CCDC91: variants seen among roughly 807,000 people sequenced by gnomAD.
CCDC91 encodes the protein coiled-coil domain-containing protein 91.
In CCDC91, 48 loss-of-function variants were observed where a neutral mutation model predicts 63.2. The observed-to-expected ratio is 0.76, with a 90% confidence interval of 0.60 to 0.97. CCDC91 has a LOEUF of 0.97. Among genes scored for constraint, CCDC91 ranks in the 50% least tolerant of loss-of-function variants. The probability of loss-of-function intolerance (pLI) is 0.00; values close to 1 mark genes in which losing one functional copy is unlikely to be tolerated. For missense variants in CCDC91, 500 were observed against 494.6 expected (o/e 1.01, Z -0.10); for synonymous variants, 167 against 165.8 (o/e 1.01, Z -0.06).
At chr12:28,238,185 A>G (rs1419812935) in intron 1 of CCDC91, among the ~76,000 whole-genome samples, 1 of 152,220 alleles carries the variant, frequency 6.6e-6, no homozygotes, top group Non-Finnish European at 1.5e-5. Flanking sequence ...GAAAGGACAG[A>G]GTTGATATCT....
chr12:28,414,432 T>A (rs534244048), intron 8 of CCDC91, among the ~76,000 whole-genome samples: 26 of 152,260 alleles, frequency 1.7e-4, no homozygotes, highest in South Asian at 1.7e-3. Context: ...TATTAATATA[T>A]GAGAATATTC....
chr12:28,269,256 C>T (rs1947576357), intron 3 of CCDC91, among the ~76,000 whole-genome samples: 1 of 152,040 alleles, frequency 6.6e-6, no homozygotes. Context: ...GTATTCTCCT[C>T]TGTATTTGTG....
chr12:28,209,952 T>G (rs1943117076), intron 1 of CCDC91, among the ~76,000 whole-genome samples: 1 of 152,204 alleles, frequency 6.6e-6, no homozygotes, highest in South Asian at 2.1e-4. Context: ...AACTTTCACT[T>G]TTGGTGCATA....
chr12:28,291,528 GC>G (rs1949248347), intron 3 of CCDC91, among the ~76,000 whole-genome samples: 1 of 152,150 alleles, frequency 6.6e-6, no homozygotes, highest in Non-Finnish European at 1.5e-5. Flanking sequence ...GATCATACCA[GC>G]ATCAGACCAC....
intron 8 of CCDC91, among the ~76,000 whole-genome samples, chr12:28,438,735 T>C: frequency 6.6e-6 from 1 of 152,018 alleles, no homozygotes. Context: ...CTGTCATGAG[T>C]TGAGAGACTT....
chr12:28,334,056 G>GTGTGTATGTGTATGTGTATGTGTA (rs143724750), intron 6 of CCDC91, among the ~76,000 whole-genome samples: 1 of 151,960 alleles, frequency 6.6e-6, no homozygotes, highest in South Asian at 2.1e-4. Flanking sequence ...GTGTGTGTGT[G>GTGTGTATGTGTATGTGTATGTGTA]TGTGTATGTG....
chr12:28,508,247 A>G (rs967604868), intron 12 of CCDC91, among the ~76,000 whole-genome samples: 1 of 151,836 alleles, frequency 6.6e-6, no homozygotes, highest in Admixed American at 6.6e-5. Flanking sequence ...GGGAGACTTA[A>G]AAGAGAAAAG....
At chr12:28,191,017 T>A (rs1360482354) in intron 1 of CCDC91, among the ~76,000 whole-genome samples, 2 of 152,260 alleles carry the variant, frequency 1.3e-5, no homozygotes, top group Non-Finnish European at 2.9e-5. Context: ...CGCGCCTGGT[T>A]TATGTATCCC....
At chr12:28,371,840 C>T (rs1008109891) in intron 7 of CCDC91, among the ~76,000 whole-genome samples, 2 of 152,196 alleles carry the variant, frequency 1.3e-5, no homozygotes, top group Non-Finnish European at 1.5e-5. Context: ...CTTTGGATAT[C>T]AAGTGGCATC....
In CCDC91 at chr12:28,219,531, G is replaced by T. The variant is rs572315868; in HGVS notation, c.-15+28890G>T. The stretch of plus-strand genomic sequence containing the variant: ...CTTTCACCCAGGCTGGAGTGCAGTG[G>T]CATGATCTGGGCTCACTGCAAGCTC... On this transcript the variant is annotated intron_variant, in intron 1 of 12. Transcript: ENST00000536442. Among the ~76,000 whole-genome samples the T allele has an allele frequency of 1.3e-5, 2 of 149,022 alleles. 1 individual carries two copies. The highest frequency in any genetic ancestry group is 5.0e-5 in the African/African-American group (2 of 40,110).
intron 6 of CCDC91, among the ~76,000 whole-genome samples, chr12:28,361,183 A>T (rs1943853984): frequency 6.6e-6 from 1 of 150,790 alleles, no homozygotes; most frequent in Non-Finnish European, 1.5e-5. Context: ...AATTTTTATT[A>T]TTTTATTATT....
chr12:28,434,861 G>T (rs1447632545), intron 8 of CCDC91, among the ~76,000 whole-genome samples: 1 of 151,428 alleles, frequency 6.6e-6, no homozygotes, highest in East Asian at 1.9e-4. Flanking sequence ...AATTTTGGCA[G>T]ATTTGTGCAT....
At chr12:28,349,779 C>G (rs1002823667) in intron 6 of CCDC91, among the ~76,000 whole-genome samples, 1 of 152,122 alleles carries the variant, frequency 6.6e-6, no homozygotes, top group Admixed American at 6.5e-5. Context: ...CTGTGCCTAA[C>G]GTTCCCAGTT....
chr12:28,438,237 A>AG (rs1949010289), intron 8 of CCDC91, among the ~76,000 whole-genome samples: 1 of 152,112 alleles, frequency 6.6e-6, no homozygotes, highest in Admixed American at 6.6e-5. Flanking sequence ...CGGTAGTAAG[A>AG]GGTGGGCCCT....
chr12:28,239,121 G>GA lies in CCDC91; in HGVS notation c.-14-18067dup, dbSNP rs778967435. 7.5e-3 allele frequency among the ~76,000 whole-genome samples: 945 copies of GA among 126,010 alleles called. 6 individuals carry two copies. Among genetic ancestry groups the GA allele is most frequent in the African/African-American group, 0.019 (664 of 34,570 alleles). 82.7% of individuals were successfully genotyped at this position (126,010 alleles called of 152,430 possible). A position where few individuals can be genotyped will look rare whatever the true frequency, so the allele number is the denominator to read the frequency against. Reference sequence around the variant, plus strand: ...GGTGACAGAGCGAGACTCTGTCTCGGAAAAAAAAAAAAAATATATGTGGCA... The same window carrying GA: ...GGTGACAGAGCGAGACTCTGTCTCGGAAAAAAAAAAAAAAATATATGTGGCA... On this transcript the variant is annotated intron_variant, in intron 1 of 12. Coordinates refer to ENST00000536442, the MANE Select transcript of CCDC91 (RefSeq NM_018318.5).
At chr12:28,340,664 T>C (rs568282795) in intron 6 of CCDC91, among the ~76,000 whole-genome samples, 2 of 152,308 alleles carry the variant, frequency 1.3e-5, no homozygotes, top group East Asian at 1.9e-4. Context: ...CCGCTACTTA[T>C]ACCTGTAAGG....
At chr12:28,236,913 T>C (rs1264286915) in intron 1 of CCDC91, 1 of 152,110 alleles carries the variant, frequency 6.6e-6, no homozygotes, top group Non-Finnish European at 1.5e-5. Flanking sequence ...GTAAAGAATT[T>C]GTTCAAATCT....
At chr12:28,533,054 T>C (rs963697616) in intron 12 of CCDC91, among the ~76,000 whole-genome samples, 17 of 152,116 alleles carry the variant, frequency 1.1e-4, no homozygotes, top group African/African-American at 4.1e-4. Flanking sequence ...ATACAACTAT[T>C]ATTTCCTCAT....
intron 8 of CCDC91, among the ~76,000 whole-genome samples, chr12:28,412,420 A>G (rs1438646863): frequency 1.3e-5 from 2 of 152,184 alleles, no homozygotes; most frequent in Non-Finnish European, 1.5e-5. Flanking sequence ...TCTCTGCCTA[A>G]AAGTAGGACA....
Sources: allele counts gnomAD v4.1 joint callset (sites outside exome capture counted in the v4.1 genomes callset), GRCh38; gene constraint gnomAD v4.1.1; transcripts MANE v1.5; gene names NCBI Gene and HGNC (gene_info 2026-07-23, HGNC 2026-07-21).